Variants in DPH6 observed in about 807,000 individuals in gnomAD.
DPH6 encodes the protein diphthamine biosynthesis 6, also known as diphthine--ammonia ligase.
DPH6 carries 33 observed loss-of-function variants against 38.2 expected under a neutral mutation model. The observed-to-expected ratio is 0.86, with a 90% CI of 0.65 to 1.15. The LOEUF is 1.15. Among genes scored for constraint, DPH6 ranks in the 50% most tolerant of loss-of-function variants. The pLI, the probability that DPH6 is intolerant of heterozygous loss-of-function variation, is 0.00. For missense variants in DPH6, 325 were observed against 320.0 expected (o/e 1.02, Z -0.12); for synonymous variants, 108 against 103.0 (o/e 1.05, Z -0.30).
chr15:35,368,679 G>C (rs1415070097), downstream of DPH6, among the ~76,000 whole-genome samples: 1 of 151,910 alleles, frequency 6.6e-6, no homozygotes, highest in Non-Finnish European at 1.5e-5. Context: ...TGAGAGGATA[G>C]CTTAAGAGAT....
At chr15:35,462,716 A>C (rs1430171044) in intron 3 of DPH6, among the ~76,000 whole-genome samples, 4 of 152,198 alleles carry the variant, frequency 2.6e-5, no homozygotes, top group African/African-American at 9.7e-5. Context: ...GTACTACCTA[A>C]AATTATATCA....
intron 3 of DPH6, among the ~76,000 whole-genome samples, chr15:35,363,737 AATT>A (rs1179402202): frequency 6.6e-6 from 1 of 151,874 alleles, no homozygotes; most frequent in Non-Finnish European, 1.5e-5. Flanking sequence ...GCCTTTTAAA[AATT>A]ATTTTTCATT....
chr15:35,310,389 G>C (rs1237999853), intron 3 of DPH6, among the ~76,000 whole-genome samples: 1 of 152,128 alleles, frequency 6.6e-6, no homozygotes, highest in Non-Finnish European at 1.5e-5. Context: ...GTCCAGCCTT[G>C]CATGCTCTGT....
intron 5 of DPH6, among the ~76,000 whole-genome samples, chr15:35,447,241 G>A (rs556663528): frequency 1.3e-5 from 2 of 152,260 alleles, no homozygotes; most frequent in Admixed American, 6.5e-5. Context: ...TCAGTTAGGT[G>A]AGCATCAAAT....
chr15:35,221,961 T>C (rs570901216), intron 3 of DPH6, among the ~76,000 whole-genome samples: 1 of 152,354 alleles, frequency 6.6e-6, no homozygotes, highest in East Asian at 1.9e-4. Context: ...AAATTCTGCC[T>C]TCCATAAAGC....
At chr15:35,307,414 T>C (rs937559826) in intron 3 of DPH6, among the ~76,000 whole-genome samples, 2 of 152,114 alleles carry the variant, frequency 1.3e-5, no homozygotes, top group African/African-American at 4.8e-5. Flanking sequence ...CAAAGCTTTA[T>C]AGAAATGCTC....
intron 6 of DPH6, among the ~76,000 whole-genome samples, chr15:35,386,858 T>A (rs905902802): frequency 5.3e-5 from 8 of 152,354 alleles, no homozygotes; most frequent in African/African-American, 1.9e-4. Flanking sequence ...AGATCCCATT[T>A]GTCAATTTTG....
intron 4 of DPH6, among the ~76,000 whole-genome samples, chr15:35,452,573 AAT>A (rs1180632315): frequency 6.6e-6 from 1 of 152,148 alleles, no homozygotes; most frequent in Non-Finnish European, 1.5e-5. Context: ...TGGCCTTAAA[AAT>A]ATCACTATTT....
At chr15:35,158,211 C>A in the DPH6 span, among the ~76,000 whole-genome samples, 1 of 75,640 alleles carries the variant, frequency 1.3e-5, no homozygotes, top group African/African-American at 3.3e-5. Context: ...AGTGGAAGGG[C>A]AGAAATGAGG....
At chr15:35,330,641 C>T (rs931540989), downstream of DPH6, among the ~76,000 whole-genome samples, 10 of 152,136 alleles carry the variant, frequency 6.6e-5, no homozygotes, top group African/African-American at 2.4e-4. Flanking sequence ...TACACATATG[C>T]ACCTGAGACC....
chr15:35,543,675 T>C (rs2055299582), intron 1 of DPH6, among the ~76,000 whole-genome samples: 1 of 152,082 alleles, frequency 6.6e-6, no homozygotes, highest in Admixed American at 6.6e-5. Flanking sequence ...TTCTGCCTCT[T>C]CCACCCTCCC....
intron 3 of DPH6, among the ~76,000 whole-genome samples, chr15:35,504,544 T>C (rs2054669149): frequency 2.0e-5 from 3 of 152,084 alleles, no homozygotes; most frequent in South Asian, 4.2e-4. Context: ...TTACTCATAA[T>C]CTAGACTATG....
At chr15:35,364,120 T>A (rs1438346596) in intron 3 of DPH6, among the ~76,000 whole-genome samples, 1 of 152,074 alleles carries the variant, frequency 6.6e-6, no homozygotes, top group Non-Finnish European at 1.5e-5. Flanking sequence ...TATCCTTTAC[T>A]ATCCTTTGGT....
intron 6 of DPH6, among the ~76,000 whole-genome samples, chr15:35,404,704 T>C (rs2053267657): frequency 6.6e-6 from 1 of 152,176 alleles, no homozygotes; most frequent in African/African-American, 2.4e-5. Context: ...ATTGTTTCCT[T>C]CGCTGTGCAG....
chr15:35,309,672 T>C (rs1347854614), intron 3 of DPH6, among the ~76,000 whole-genome samples: 3 of 152,226 alleles, frequency 2.0e-5, no homozygotes, highest in African/African-American at 4.8e-5. Context: ...AATCATTTCT[T>C]TGATGAAATT....
chr15:35,184,159 T>C, the DPH6 span, among the ~76,000 whole-genome samples: 1 of 152,380 alleles, frequency 6.6e-6, no homozygotes, highest in Non-Finnish European at 1.5e-5. Context: ...CTTAAAACTC[T>C]GTAAATTACT....
At chr15:35,467,303 G>A (rs1413686510) in intron 3 of DPH6, among the ~76,000 whole-genome samples, 1 of 152,094 alleles carries the variant, frequency 6.6e-6, no homozygotes, top group African/African-American at 2.4e-5. Context: ...GGTGGCTCAT[G>A]CCCGTAATCC....
At chr15:35,338,924 T>A (rs988344804) in intron 3 of DPH6, among the ~76,000 whole-genome samples, 2 of 151,378 alleles carry the variant, frequency 1.3e-5, no homozygotes, top group African/African-American at 4.9e-5. Flanking sequence ...CAGCAAACTA[T>A]CACAAGGACA....
chr15:35,337,509 C>T (rs922950646), intron 3 of DPH6, among the ~76,000 whole-genome samples: 4 of 152,088 alleles, frequency 2.6e-5, no homozygotes, highest in African/African-American at 9.7e-5. Flanking sequence ...GAACTACAAA[C>T]CTCTGCTCAA....
Sources: gnomAD v4.1 joint callset for allele counts (sites outside exome capture counted in the v4.1 genomes callset) on GRCh38, gnomAD v4.1.1 for gene constraint, MANE v1.5 for transcripts, NCBI Gene and HGNC (gene_info 2026-07-23, HGNC 2026-07-21) for gene names.